The following LRCH2 variants were observed in gnomAD, a reference collection of about 807,000 sequenced individuals.
LRCH2 encodes leucine rich repeats and calponin homology domain containing 2.
LRCH2 carries 38 observed loss-of-function variants against 68.9 expected under a neutral mutation model. The observed-to-expected ratio is 0.55, with a 90% CI of 0.43 to 0.72. The LOEUF (loss-of-function observed/expected upper bound fraction) is 0.72. Among genes scored for constraint, LRCH2 ranks in the 30% least tolerant of loss-of-function variants. The pLI, the probability that LRCH2 is intolerant of heterozygous loss-of-function variation, is 0.00. For synonymous variants in LRCH2, 191 were observed against 208.1 expected, an observed-to-expected ratio of 0.92 and a Z score of 0.71; for missense variants, 528 against 572.9, an observed-to-expected ratio of 0.92 and a Z score of 0.80.
At chrX:115,228,062 A>C (rs2073130408) in intron 1 of LRCH2, among the ~76,000 whole-genome samples, 1 of 112,300 alleles carries the variant, frequency 8.9e-6, no homozygotes. Flanking sequence ...TATTCTGTTA[A>C]TGGAATGCTA....
intron 14 of LRCH2, among the ~76,000 whole-genome samples, chrX:115,148,195 C>T (rs1398672846): frequency 8.9e-6 from 1 of 112,523 alleles, no homozygotes; most frequent in Non-Finnish European, 1.9e-5. Flanking sequence ...AATCTCAACT[C>T]TGCCACTTAT....
At chrX:115,189,403 A>G (rs1011884863) in intron 1 of LRCH2, 6 of 1,138,724 alleles carry the variant, frequency 5.3e-6, no homozygotes, top group Non-Finnish European at 7.0e-6. Context: ...CCGCGTCATC[A>G]CTTCCCACTT....
At position 115,179,344 on chromosome X, in the gene LRCH2, G is replaced by C; in HGVS notation, c.864+83C>G. ...GAACAACAAATTGGCTCTTGATTTA[G>C]GTGCTTTTTGATTTACCAGTCATAA... is the stretch of plus-strand genomic sequence containing the variant. On this transcript the variant is annotated intron_variant, in intron 5 of 20. Coordinates refer to ENST00000317135, the MANE Select transcript of LRCH2 (RefSeq NM_020871.4). 5 of 802,195 alleles carry C rather than the reference G, an allele frequency of 6.2e-6. No homozygotes were observed. The South Asian group carries it at 1.5e-4, about 24-fold the overall frequency. 66.1% of individuals were successfully genotyped at this position (802,195 alleles called of 1,213,427 possible).
chrX:115,121,094 C>T (rs1220767554), intron 20 of LRCH2, among the ~76,000 whole-genome samples: 4 of 107,826 alleles, frequency 3.7e-5, no homozygotes, highest in East Asian at 2.9e-4. Flanking sequence ...GTGGGTGCAG[C>T]GCACCAGCAT....
At chrX:115,195,707 C>T (rs2072882438) in intron 1 of LRCH2, among the ~76,000 whole-genome samples, 1 of 111,374 alleles carries the variant, frequency 9.0e-6, no homozygotes, top group African/African-American at 3.3e-5. Flanking sequence ...TGGTCAAGAC[C>T]GGCTGGGAAC....
At chrX:115,224,209 T>C (rs782718240) in intron 1 of LRCH2, among the ~76,000 whole-genome samples, 59 of 111,148 alleles carry the variant, frequency 5.3e-4, no homozygotes, top group African/African-American at 1.9e-3. Flanking sequence ...TAGGGTTTGA[T>C]TGGTTGGGGA....
intron 1 of LRCH2, among the ~76,000 whole-genome samples, chrX:115,217,333 C>A (rs1556571894): frequency 9.0e-6 from 1 of 111,025 alleles, no homozygotes; most frequent in African/African-American, 3.3e-5. Flanking sequence ...CACCCATCAA[C>A]CCATCATCTA....
Position 115,124,009 on chromosome X carries a change from A to G in LRCH2, c.1792-7T>C. On this transcript the variant is annotated splice_region_variant and splice_polypyrimidine_tract_variant and intron_variant, in intron 16 of 20. Coordinates refer to ENST00000317135, the MANE Select transcript of LRCH2 (RefSeq NM_020871.4). ...CATCAGTTCTGTCATATTCCTAAAA[A>G]AAAATTAAAAAGTTAAAAATAAATA... The G allele has an allele frequency of 9.9e-7, 1 of 1,011,667 alleles. No individual in the cohort carries two copies. Among genetic ancestry groups the G allele is most frequent in the East Asian group, 3.7e-5 (1 of 27,339 alleles). The allele number at this position is 1,011,667 out of a possible 1,213,427, so 83.4% of individuals were successfully genotyped here.
chrX:115,132,643 CT>C (rs1224527860), intron 14 of LRCH2, among the ~76,000 whole-genome samples: 1 of 111,930 alleles, frequency 8.9e-6, no homozygotes, highest in Non-Finnish European at 1.9e-5. Context: ...GCAACTATCA[CT>C]AATCTAGCAG....
intron 1 of LRCH2, among the ~76,000 whole-genome samples, chrX:115,196,047 G>C (rs1186409252): frequency 1.8e-5 from 2 of 111,644 alleles, no homozygotes; most frequent in African/African-American, 6.5e-5. Flanking sequence ...GCAGGGGCTT[G>C]AGCAGGAATG....
intron 12 of LRCH2, among the ~76,000 whole-genome samples, chrX:115,152,339 T>C (rs1267686799): frequency 8.9e-6 from 1 of 112,038 alleles, no homozygotes; most frequent in Non-Finnish European, 1.9e-5. Flanking sequence ...AATAATACAA[T>C]ATCCACACTC....
intron 14 of LRCH2, among the ~76,000 whole-genome samples, chrX:115,140,291 G>A (rs1257649167): frequency 9.0e-6 from 1 of 111,362 alleles, no homozygotes; most frequent in Non-Finnish European, 1.9e-5. Context: ...TGAAGGGAAG[G>A]ACCCAGTCCT....
chrX:115,167,348 C>G (rs2072571624), intron 6 of LRCH2, among the ~76,000 whole-genome samples: 1 of 107,876 alleles, frequency 9.3e-6, no homozygotes, highest in South Asian at 4.0e-4. Context: ...TTAAAACTTG[C>G]CTCCAAAGAG....
Position 115,149,932 on chromosome X carries a change from A to AT in LRCH2, c.1589dup (p.Asn530LysfsTer8). On this transcript the variant is annotated frameshift_variant, in exon 14 of 21. Transcript: ENST00000317135. LOFTEE classifies it high-confidence loss of function. ...GTTGTTCATCTATTTGATCCTTCTG[A>AT]TTTTCTAAGGGCTATAATGAGACAA... is the stretch of plus-strand genomic sequence containing the variant. 8.4e-7 allele frequency: 1 copy of AT among 1,188,909 alleles called. No homozygotes were observed. Among genetic ancestry groups the AT allele is most frequent in the Non-Finnish European group, 1.1e-6 (1 of 879,025 alleles).
At chrX:115,128,438 G>A (rs2072217114) in intron 15 of LRCH2, among the ~76,000 whole-genome samples, 1 of 111,512 alleles carries the variant, frequency 9.0e-6, no homozygotes, top group African/African-American at 3.3e-5. Flanking sequence ...TATAAATCAG[G>A]TATGAGATTA....
At chrX:115,224,695 A>G (rs1172763256) in intron 1 of LRCH2, among the ~76,000 whole-genome samples, 1 of 109,738 alleles carries the variant, frequency 9.1e-6, no homozygotes, top group African/African-American at 3.3e-5. Context: ...AAAAAAAAAA[A>G]AGAAAAAAGA....
intron 1 of LRCH2, among the ~76,000 whole-genome samples, chrX:115,213,394 T>A (rs1260068227): frequency 9.0e-6 from 1 of 111,575 alleles, no homozygotes; most frequent in Non-Finnish European, 1.9e-5. Flanking sequence ...CAAATTCTGA[T>A]CCTCACCTTC....
intron 3 of LRCH2, among the ~76,000 whole-genome samples, chrX:115,184,074 A>G: frequency 8.9e-6 from 1 of 112,318 alleles, no homozygotes; most frequent in Middle Eastern, 4.6e-3. Flanking sequence ...TAGTCCTATA[A>G]AAGTTTTATT....
intron 2 of LRCH2, among the ~76,000 whole-genome samples, chrX:115,187,040 G>C (rs183112638): frequency 9.0e-6 from 1 of 110,757 alleles, no homozygotes; most frequent in East Asian, 2.8e-4. Context: ...GGATGGTCTC[G>C]ATCTCCTAAC....
Sources: allele counts gnomAD v4.1 joint callset (sites outside exome capture counted in the v4.1 genomes callset), GRCh38; gene constraint gnomAD v4.1.1; transcripts MANE v1.5; gene names NCBI Gene and HGNC (gene_info 2026-07-23, HGNC 2026-07-21).